Variants in KCND2 observed in about 807,000 individuals in gnomAD.
The protein encoded by KCND2 is potassium voltage-gated channel subfamily D member 2.
A neutral mutation model predicts 54.4 loss-of-function variants in KCND2; 16 were observed. That is an observed-to-expected ratio of 0.29 (90% CI 0.20 to 0.45). KCND2 has a LOEUF of 0.45. KCND2 is among the 20% of genes least tolerant of loss of function. KCND2 has a pLI of 1.00. For missense variants in KCND2, 486 were observed against 824.2 expected, an observed-to-expected ratio of 0.59 and a Z score of 5.02; for synonymous variants, 317 against 310.7, an observed-to-expected ratio of 1.02 and a Z score of -0.21.
At chr7:120,661,058 G>C (rs1223908786) in intron 1 of KCND2, among the ~76,000 whole-genome samples, 1 of 152,074 alleles carries the variant, frequency 6.6e-6, no homozygotes, top group African/African-American at 2.4e-5. Flanking sequence ...AGCTTTTAGA[G>C]TACCCATCAC....
chr7:120,574,517 C>T (rs1259049798), intron 1 of KCND2, among the ~76,000 whole-genome samples: 1 of 152,124 alleles, frequency 6.6e-6, no homozygotes, highest in Non-Finnish European at 1.5e-5. Context: ...GGCTATTCTA[C>T]ACAATATCAA....
At chr7:120,683,928 G>A (rs2116593319) in intron 1 of KCND2, among the ~76,000 whole-genome samples, 1 of 152,256 alleles carries the variant, frequency 6.6e-6, no homozygotes, top group Non-Finnish European at 1.5e-5. Flanking sequence ...AGTAAACAGA[G>A]ATGGTTCCAT....
At chr7:120,683,355 G>T (rs1169667674) in intron 1 of KCND2, among the ~76,000 whole-genome samples, 3 of 152,212 alleles carry the variant, frequency 2.0e-5, no homozygotes, top group Non-Finnish European at 2.9e-5. Flanking sequence ...TAGTAATGAT[G>T]AGTATCCTAG....
chr7:120,416,991 A>G (rs1801533701), intron 1 of KCND2, among the ~76,000 whole-genome samples: 1 of 152,050 alleles, frequency 6.6e-6, no homozygotes, highest in Non-Finnish European at 1.5e-5. Context: ...GACTACAGGC[A>G]TGCACCACCA....
chr7:120,433,573 T>C (rs536086100), intron 1 of KCND2, among the ~76,000 whole-genome samples: 1 of 152,302 alleles, frequency 6.6e-6, no homozygotes, highest in South Asian at 2.1e-4. Context: ...CTGTTACCCC[T>C]TGGTGTAAAA....
chr7:120,400,010 G>A (rs975488017), intron 1 of KCND2, among the ~76,000 whole-genome samples: 1 of 152,060 alleles, frequency 6.6e-6, no homozygotes, highest in African/African-American at 2.4e-5. Flanking sequence ...ACAGGCATGA[G>A]CCACCGCACC....
intron 1 of KCND2, among the ~76,000 whole-genome samples, chr7:120,320,487 G>A (rs1364235219): frequency 2.0e-5 from 3 of 151,990 alleles, no homozygotes; most frequent in Non-Finnish European, 4.4e-5. Context: ...AGATGAAGGT[G>A]GCAAATTAGG....
intron 1 of KCND2, among the ~76,000 whole-genome samples, chr7:120,653,721 A>G (rs1791767604): frequency 6.6e-6 from 1 of 152,258 alleles, no homozygotes; most frequent in South Asian, 2.1e-4. Flanking sequence ...AACAACAGTA[A>G]CACACCTACT....
intron 1 of KCND2, among the ~76,000 whole-genome samples, chr7:120,725,162 G>T (rs1436021438): frequency 1.3e-5 from 2 of 151,982 alleles, no homozygotes; most frequent in Non-Finnish European, 2.9e-5. Flanking sequence ...CCACATTGAG[G>T]GTTTACTGTA....
At chr7:120,464,994 G>T (rs961741660) in intron 1 of KCND2, among the ~76,000 whole-genome samples, 2 of 152,142 alleles carry the variant, frequency 1.3e-5, no homozygotes, top group Non-Finnish European at 2.9e-5. Flanking sequence ...AATTACAACA[G>T]TAAAACCCCT....
chr7:120,729,323 G>T (rs77819143), intron 1 of KCND2, among the ~76,000 whole-genome samples: 29 of 152,180 alleles, frequency 1.9e-4, no homozygotes, highest in Admixed American at 1.8e-3. Flanking sequence ...CAACATATTC[G>T]AATAGTGAGA....
chr7:120,462,206 C>A (rs1307887574), intron 1 of KCND2, among the ~76,000 whole-genome samples: 2 of 147,850 alleles, frequency 1.4e-5, no homozygotes, highest in South Asian at 2.1e-4. Flanking sequence ...AAATTGGATT[C>A]TTTTTTGTTT....
chr7:120,492,996 G>A (rs1198945861), intron 1 of KCND2, among the ~76,000 whole-genome samples: 3 of 151,896 alleles, frequency 2.0e-5, no homozygotes, highest in Non-Finnish European at 4.4e-5. Flanking sequence ...TACTGTCATC[G>A]TAAGTAAGGG....
In KCND2 at chr7:120,381,346, C is replaced by A. The variant is rs578255202; in HGVS notation, c.1115+105599C>A. Among the ~76,000 whole-genome samples, 4 of 152,026 alleles carry A rather than the reference C, an allele frequency of 2.6e-5. No homozygotes were observed. The South Asian group carries it at 8.3e-4, about 32-fold the overall frequency. ...CATGCATTGCTAAAGAAAGAGGTAA[C>A]AAAATATTACACATAATACAATTCT... On this transcript the variant is annotated intron_variant, in intron 1 of 5. Transcript: ENST00000331113.
At chr7:120,411,156 A>G (rs879574931) in intron 1 of KCND2, among the ~76,000 whole-genome samples, 6 of 152,112 alleles carry the variant, frequency 3.9e-5, no homozygotes, top group East Asian at 3.9e-4. Context: ...GTCTTTTTCA[A>G]TGTAAAAATC....
chr7:120,314,875 A>G (rs1799790282), intron 1 of KCND2, among the ~76,000 whole-genome samples: 1 of 152,134 alleles, frequency 6.6e-6, no homozygotes, highest in South Asian at 2.1e-4. Context: ...TCATCTCCTC[A>G]TTAGCTGTTA....
intron 4 of KCND2, among the ~76,000 whole-genome samples, chr7:120,744,744 T>C (rs939236134): frequency 1.3e-5 from 2 of 152,184 alleles, no homozygotes; most frequent in African/African-American, 4.8e-5. Context: ...TCAATTGTTT[T>C]ACTCATATTT....
intron 1 of KCND2, among the ~76,000 whole-genome samples, chr7:120,552,757 A>G (rs1016225679): frequency 1.3e-5 from 2 of 152,100 alleles, no homozygotes; most frequent in Non-Finnish European, 2.9e-5. Flanking sequence ...TACACCTGCA[A>G]TTTCTTAAAT....
At chr7:120,599,280 TTAA>T (rs1441027231) in intron 1 of KCND2, among the ~76,000 whole-genome samples, 1 of 152,130 alleles carries the variant, frequency 6.6e-6, no homozygotes, top group East Asian at 1.9e-4. Flanking sequence ...TTGTTCAAAA[TTAA>T]TTCTCTAACA....
Sources: allele counts gnomAD v4.1 joint callset (sites outside exome capture counted in the v4.1 genomes callset), GRCh38; gene constraint gnomAD v4.1.1; transcripts MANE v1.5; gene names NCBI Gene and HGNC (gene_info 2026-07-23, HGNC 2026-07-21).